The following RBFOX3 variants were observed in gnomAD, a reference collection of about 807,000 sequenced individuals.
RBFOX3 encodes RNA binding fox-1 homolog 3.
RBFOX3 carries 17 observed loss-of-function variants against 48.7 expected under a neutral mutation model. The observed-to-expected ratio is 0.35, with a 90% confidence interval of 0.24 to 0.52. RBFOX3 has a LOEUF of 0.52. Among genes scored for constraint, RBFOX3 ranks in the 20% least tolerant of loss-of-function variants. The pLI, the probability that RBFOX3 is intolerant of heterozygous loss-of-function variation, is 0.94. For missense variants in RBFOX3, 382 were observed against 497.5 expected (o/e 0.77, Z 2.21); for synonymous variants, 212 against 209.5 (o/e 1.01, Z -0.10).
chr17:79,557,225 CAAAAAAAAAAAAAAAA>C (rs1167997833), intron 1 of RBFOX3, among the ~76,000 whole-genome samples: 3 of 86,568 alleles, frequency 3.5e-5, no homozygotes, highest in South Asian at 8.1e-4. Flanking sequence ...GACACTGTCT[CAAAAAAAAAAAAAAAA>C]AAAAAAAAGG....
Position 79,611,040 on chromosome 17 carries a change from G to T in RBFOX3, c.-534C>A, listed in dbSNP as rs1401288550. Reference sequence around the variant, plus strand: ...GGGCCCGGCTGGGGCCGCTGTCCGAGGAGGTTCTGCTGGCTTCGGAGCAGC... The same window carrying T: ...GGGCCCGGCTGGGGCCGCTGTCCGATGAGGTTCTGCTGGCTTCGGAGCAGC... On this transcript the variant is annotated 5_prime_UTR_variant, in exon 1 of 15. Coordinates refer to ENST00000693108, the MANE Select transcript of RBFOX3 (RefSeq NM_001350451.2). 6.6e-6 allele frequency among the ~76,000 whole-genome samples: 1 copy of T among 151,162 alleles called. No homozygotes were observed. Among genetic ancestry groups the T allele is most frequent in the Non-Finnish European group, 1.5e-5 (1 of 67,604 alleles).
chr17:79,304,592 C>T (rs1174557558), intron 3 of RBFOX3, among the ~76,000 whole-genome samples: 3 of 151,688 alleles, frequency 2.0e-5, no homozygotes, highest in East Asian at 1.9e-4. Context: ...GTTACTTCTT[C>T]GTTTTTCTTG....
At chr17:79,657,834 T>C in the RBFOX3 span, among the ~76,000 whole-genome samples, 143,400 of 152,230 alleles carry the variant, frequency 0.94, 68,098 homozygotes, top group Non-Finnish European at 1. Flanking sequence ...AACACGGATG[T>C]TTCCCTCCGT....
chr17:79,593,940 T>C (rs934046994), intron 1 of RBFOX3, among the ~76,000 whole-genome samples: 3 of 152,104 alleles, frequency 2.0e-5, no homozygotes, highest in Admixed American at 2.0e-4. Flanking sequence ...ACCAAAGGGT[T>C]TGGGCACCTG....
intron 1 of RBFOX3, among the ~76,000 whole-genome samples, chr17:79,490,134 AT>A (rs1322956598): frequency 1.3e-5 from 2 of 152,172 alleles, no homozygotes; most frequent in African/African-American, 2.4e-5. Flanking sequence ...GGCAAAAATA[AT>A]TTGGGTTTTA....
chr17:79,115,880 G>C (rs958940811), intron 4 of RBFOX3, 132 bp from the exon 5 acceptor site: 40 of 534,556 alleles, frequency 7.5e-5, no homozygotes, highest in Non-Finnish European at 1.2e-4. Flanking sequence ...CCCCTCCAAG[G>C]GGGGCTCGCC....
At chr17:79,624,595 C>G in the RBFOX3 span, among the ~76,000 whole-genome samples, 3 of 152,308 alleles carry the variant, frequency 2.0e-5, no homozygotes, top group Non-Finnish European at 2.9e-5. Flanking sequence ...GGGAGCAGCT[C>G]ACCCTGGTGC....
At chr17:79,351,082 C>T (rs138195117) in intron 2 of RBFOX3, among the ~76,000 whole-genome samples, 34 of 152,368 alleles carry the variant, frequency 2.2e-4, no homozygotes, top group Middle Eastern at 3.4e-3. Flanking sequence ...TGTGCTGTAG[C>T]ATGTGCCAGA....
Position 79,426,628 on chromosome 17 carries a change from C to T in RBFOX3, c.-175+55826G>A, listed in dbSNP as rs540094226. Among the ~76,000 whole-genome samples, 467 of 152,302 alleles carry T rather than the reference C, an allele frequency of 3.1e-3. 3 individuals are homozygous for T. Among genetic ancestry groups the T allele is most frequent in the African/African-American group, 9.8e-3 (406 of 41,568 alleles). On this transcript the variant is annotated intron_variant, in intron 2 of 14. Coordinates refer to ENST00000693108, the MANE Select transcript of RBFOX3 (RefSeq NM_001350451.2). Reference sequence around the variant, plus strand: ...GCCCACAGCTTGACTTACTTGTCCACACCCCACCTCATTTCCAAATTTTGG... The same window carrying T: ...GCCCACAGCTTGACTTACTTGTCCATACCCCACCTCATTTCCAAATTTTGG...
chr17:79,663,314 T>C, the RBFOX3 span, among the ~76,000 whole-genome samples: 1 of 152,236 alleles, frequency 6.6e-6, no homozygotes, highest in Non-Finnish European at 1.5e-5. Context: ...CCCAGGTGAC[T>C]GATGCCAGGA....
intron 2 of RBFOX3, among the ~76,000 whole-genome samples, chr17:79,313,073 A>C (rs2077067185): frequency 6.6e-6 from 1 of 152,208 alleles, no homozygotes; most frequent in Non-Finnish European, 1.5e-5. Context: ...CATCTGGCTC[A>C]AGAGCTCAGC....
intron 4 of RBFOX3, among the ~76,000 whole-genome samples, chr17:79,167,807 GC>G (rs2048332073): frequency 6.6e-6 from 1 of 152,192 alleles, no homozygotes; most frequent in South Asian, 2.1e-4. Context: ...GCCTGGAGGT[GC>G]CCCCGGGACC....
At chr17:79,256,374 G>A (rs536025265) in intron 3 of RBFOX3, among the ~76,000 whole-genome samples, 8 of 152,158 alleles carry the variant, frequency 5.3e-5, no homozygotes, top group Middle Eastern at 3.4e-3. Flanking sequence ...TGCTTGTGCC[G>A]GCCACCGGCT....
intron 4 of RBFOX3, among the ~76,000 whole-genome samples, chr17:79,148,824 G>T (rs1382663042): frequency 1.3e-5 from 2 of 152,212 alleles, no homozygotes; most frequent in African/African-American, 4.8e-5. Context: ...CCTGGCTGGG[G>T]TAGGCTAAGG....
chr17:79,564,388 T>C (rs1337944262), intron 1 of RBFOX3, among the ~76,000 whole-genome samples: 2 of 152,312 alleles, frequency 1.3e-5, no homozygotes, highest in Non-Finnish European at 2.9e-5. Context: ...TTCTCACCTA[T>C]TACCTTGGTG....
chr17:79,360,826 CTTT>C (rs71365558), intron 2 of RBFOX3, among the ~76,000 whole-genome samples: 20,042 of 145,714 alleles, frequency 0.14, 1,630 homozygotes, highest in Middle Eastern at 0.21. Context: ...GATCAAATTC[CTTT>C]TTTTTTTTTT....
the RBFOX3 span, among the ~76,000 whole-genome samples, chr17:79,659,999 C>G: frequency 6.6e-6 from 1 of 152,080 alleles, no homozygotes; most frequent in Admixed American, 6.5e-5. Flanking sequence ...CCAGCCTGGC[C>G]AACATGGTGA....
rs76426044 is a variant in RBFOX3, at chr17:79,245,458, A to G, written c.-73-9653T>C. Among the ~76,000 whole-genome samples, 786 of 152,234 alleles carry G rather than the reference A, an allele frequency of 5.2e-3. 5 individuals carry two copies. The highest frequency in any genetic ancestry group is 0.018 in the African/African-American group (745 of 41,532). ...TTGTGGTAAAATGCCCATAATATAA[A>G]GTGTACCATTTTAACCATCTTTAGG... is the stretch of plus-strand genomic sequence containing the variant. On this transcript the variant is annotated intron_variant, in intron 3 of 14. Coordinates refer to ENST00000693108, the MANE Select transcript of RBFOX3 (RefSeq NM_001350451.2).
intron 4 of RBFOX3, among the ~76,000 whole-genome samples, chr17:79,161,689 G>A (rs962955039): frequency 3.9e-5 from 6 of 152,272 alleles, no homozygotes; most frequent in South Asian, 2.1e-4. Context: ...TCCGCCTCCC[G>A]GGTTCAAGCG....
Sources: allele counts gnomAD v4.1 joint callset (sites outside exome capture counted in the v4.1 genomes callset), GRCh38; gene constraint gnomAD v4.1.1; transcripts MANE v1.5; gene names NCBI Gene and HGNC (gene_info 2026-07-23, HGNC 2026-07-21).